PUM2: variants seen among roughly 807,000 people sequenced by gnomAD.
The protein encoded by PUM2 is pumilio RNA binding family member 2.
Under a neutral mutation model 124.5 loss-of-function variants are expected in PUM2, and 57 were observed. That is an observed-to-expected ratio of 0.46 (90% CI 0.37 to 0.57). The LOEUF is 0.57. PUM2 is among the 20% of genes least tolerant of loss of function. The pLI is 0.00. For missense variants in PUM2, 1,065 were observed against 1,290.6 expected (o/e 0.83, Z 2.68); for synonymous variants, 460 against 446.1 (o/e 1.03, Z -0.39).
chr2:20,321,284 T>C (rs1682283120), intron 2 of PUM2, among the ~76,000 whole-genome samples: 1 of 151,606 alleles, frequency 6.6e-6, no homozygotes, highest in Non-Finnish European at 1.5e-5. Context: ...AGACTCTGTC[T>C]CAAAAAAAGA....
chr2:20,312,528 T>C (rs1455343138), intron 3 of PUM2, 105 bp from the exon 4 acceptor site: 1 of 1,030,672 alleles, frequency 9.7e-7, no homozygotes, highest in Non-Finnish European at 1.4e-6. Flanking sequence ...TTGTTTTATT[T>C]TGAATGTTAT....
At chr2:20,299,139 G>A (rs756247117) in intron 7 of PUM2, among the ~76,000 whole-genome samples, 10 of 152,156 alleles carry the variant, frequency 6.6e-5, no homozygotes, top group African/African-American at 9.7e-5. Flanking sequence ...GAAGCCAGTC[G>A]GTCAGAAGTT....
In PUM2 at chr2:20,286,311, C is replaced by T. The variant is rs993717220; in HGVS notation, c.1292-2825G>A. Among the ~76,000 whole-genome samples, 3 of 152,080 alleles carry T rather than the reference C, an allele frequency of 2.0e-5. No individual in the cohort carries two copies. The South Asian group carries it at 6.2e-4, about 31-fold the overall frequency. On this transcript the variant is annotated intron_variant, in intron 10 of 20. Transcript: ENST00000361078. ...GTGACAGTAGAAAGGTAGTTGAATT[C>T]GGAGAACCCTAGAGATTTGCTGAAA...
chr2:20,283,431 A>G lies in PUM2; in HGVS notation c.1347T>C (p.Val449=). Residue 449 remains valine, a synonymous_variant, in exon 11 of 21, where the codon GTT becomes GTC. Coordinates refer to ENST00000361078, the MANE Select transcript of PUM2 (RefSeq NM_015317.5). ...CAAGGCCAGTCCTTGCTCCAGGGCCAACCACTAAGGCACCAGTCTGATCAT... is the reference window on the plus strand; with the variant it reads ...CAAGGCCAGTCCTTGCTCCAGGGCCGACCACTAAGGCACCAGTCTGATCAT... ...AYYDQTGALV[V]GPGARTGLGA... The G allele has an allele frequency of 1.2e-6, 2 of 1,614,072 alleles. No individual in the cohort carries two copies. Among genetic ancestry groups the G allele is most frequent in the Non-Finnish European group, 1.7e-6 (2 of 1,179,972 alleles).
chr2:20,256,148 T>C lies in PUM2; in HGVS notation c.2507A>G (p.Asp836Gly), dbSNP rs1393513396. 1.9e-6 allele frequency: 3 copies of C among 1,595,514 alleles called. No individual in the cohort carries two copies. Among genetic ancestry groups the C allele is most frequent in the South Asian group, 1.1e-5 (1 of 86,974 alleles). Residue 836 changes from aspartate (D) to glycine (G), a missense_variant, in exon 17 of 21, where the codon GAT (aspartate) becomes GGT (glycine). By Grantham distance (94) the Asp-to-Gly change is moderately conservative. Transcript: ENST00000361078. ...DQQSEMVKEL[D>G]GHVLKCVKDQ... ...TTTCACACATTTGAGCACATGACCA[T>C]CCAGCTCCTTTACCATTTCACTCTG...
At chr2:20,283,590 G>T in intron 10 of PUM2, 104 bp from the exon 11 acceptor site, 3 of 1,137,388 alleles carry the variant, frequency 2.6e-6, no homozygotes, top group Non-Finnish European at 2.5e-6. Context: ...ACAGCTATTT[G>T]TACCATTACT....
At chr2:20,350,438 T>C (rs1165378045) in intron 1 of PUM2, 159 bp downstream of exon 1, 4 of 958,294 alleles carry the variant, frequency 4.2e-6, no homozygotes, top group African/African-American at 3.5e-5. Flanking sequence ...CCCTGCATTG[T>C]GCGAGCGGGC....
At chr2:20,316,616 T>C (rs1358500694) in intron 3 of PUM2, among the ~76,000 whole-genome samples, 1 of 152,206 alleles carries the variant, frequency 6.6e-6, no homozygotes, top group East Asian at 1.9e-4. Context: ...ACTACTTTAA[T>C]ACAACTATGG....
chr2:20,281,451 A>T (rs1671501247), intron 12 of PUM2, among the ~76,000 whole-genome samples: 1 of 152,220 alleles, frequency 6.6e-6, no homozygotes, highest in Non-Finnish European at 1.5e-5. Context: ...GTGAGAAAGG[A>T]AACATGGGGT....
At chr2:20,331,362 G>A (rs374549596) in intron 1 of PUM2, among the ~76,000 whole-genome samples, 4 of 152,276 alleles carry the variant, frequency 2.6e-5, no homozygotes, top group East Asian at 1.9e-4. Context: ...TAATTTTAAG[G>A]AGAAATATTC....
chr2:20,254,098 C>A, intron 19 of PUM2, 84 bp from the exon 20 acceptor site: 1 of 1,160,836 alleles, frequency 8.6e-7, no homozygotes, highest in Non-Finnish European at 1.2e-6. Flanking sequence ...GAATCTTCTC[C>A]AATGAACAAT....
Position 20,318,609 on chromosome 2 carries a change from A to AATC in PUM2, c.85_87dup (p.Asp29dup). ...ATGCCTTTTTGTCCATCTTTTGTTGAATCATCAGGTTCCCAAAACTTTTTG... is the reference window on the plus strand; with the variant it reads ...ATGCCTTTTTGTCCATCTTTTGTTGAATCATCATCAGGTTCCCAAAACTTTTTG... On this transcript the variant is annotated inframe_insertion, in exon 3 of 21. Transcript: ENST00000361078. 2 of 1,613,650 alleles carry AATC rather than the reference A, an allele frequency of 1.2e-6. No homozygotes were observed. The highest frequency in any genetic ancestry group is 1.7e-6 in the Non-Finnish European group (2 of 1,179,926).
In PUM2 at chr2:20,273,822, T is replaced by C. The variant is rs565733473; in HGVS notation, c.1957+4761A>G. Among the ~76,000 whole-genome samples, 8 of 152,226 alleles carry C rather than the reference T, an allele frequency of 5.3e-5. No individual in the cohort carries two copies. In the East Asian group the frequency reaches 1.5e-3, roughly 29 times the overall value. ...ACAAATAAGAAGTACAAATATAACATATGTGCTTAGACAAGTATTTTTATC... is the reference window on the plus strand; with the variant it reads ...ACAAATAAGAAGTACAAATATAACACATGTGCTTAGACAAGTATTTTTATC... On this transcript the variant is annotated intron_variant, in intron 13 of 20. Coordinates refer to ENST00000361078, the MANE Select transcript of PUM2 (RefSeq NM_015317.5).
chr2:20,294,283 G>C (rs1343258859), intron 9 of PUM2, 93 bp downstream of exon 9: 2 of 1,424,788 alleles, frequency 1.4e-6, no homozygotes, highest in Non-Finnish European at 1.9e-6. Flanking sequence ...TACACAGTGA[G>C]GAAACGTAAG....
In PUM2 at chr2:20,251,411, C is replaced by T; in HGVS notation, c.*174G>A. ...TATAATTTATAATTCATCCCCCACC[C>T]CCCAAATATACACAAGAACCTTAAA... On this transcript the variant is annotated 3_prime_UTR_variant, in exon 21 of 21. Transcript: ENST00000361078. The T allele has an allele frequency of 1.4e-6, 1 of 723,452 alleles. No individual in the cohort carries two copies. The highest frequency in any genetic ancestry group is 1.8e-5 in the African/African-American group (1 of 55,578). The allele number at this position is 723,452 out of a possible 1,614,324, so 44.8% of individuals were successfully genotyped here.
In PUM2 at chr2:20,255,322, T is replaced by C. The variant is rs1224524061; in HGVS notation, c.2642A>G (p.His881Arg). 6.2e-7 allele frequency: 1 copy of C among 1,612,640 alleles called. No individual in the cohort carries two copies. Among genetic ancestry groups the C allele is most frequent in the Admixed American group, 1.7e-5 (1 of 59,990 alleles). ...CTGAATTACTCTGCAGCCATAAGGA[T>C]GAGTTGAAAGCACAAATACCTGAGG... is the stretch of plus-strand genomic sequence containing the variant. ...FKGQVFVLST[H>R]PYGCRVIQRI... The change falls in exon 18 of 21, where the codon CAT becomes CGT. Residue 881 changes from histidine (H) to arginine (R), a missense_variant. Transcript: ENST00000361078.
chr2:20,300,245 G>C (rs1211638990), intron 7 of PUM2, among the ~76,000 whole-genome samples: 3 of 152,152 alleles, frequency 2.0e-5, no homozygotes. Context: ...CGCCTCCCGG[G>C]TTCCAGTGAT....
Position 20,310,321 on chromosome 2 carries a change from T to C in PUM2, c.518+1173A>G, listed in dbSNP as rs187665950. ...CCACATTAATATTTCAGGGGAGACGTATAACCTCTCACACAAAGTAACTCG... is the reference window on the plus strand; with the variant it reads ...CCACATTAATATTTCAGGGGAGACGCATAACCTCTCACACAAAGTAACTCG... On this transcript the variant is annotated intron_variant, in intron 5 of 20. Coordinates refer to ENST00000361078, the MANE Select transcript of PUM2 (RefSeq NM_015317.5). Among the ~76,000 whole-genome samples, 6 of 152,190 alleles carry C rather than the reference T, an allele frequency of 3.9e-5. No homozygotes were observed. The East Asian group carries it at 1.2e-3, about 29-fold the overall frequency.
chr2:20,312,206 A>G (rs1295804815), intron 4 of PUM2, 30 bp downstream of exon 4: 8 of 1,524,864 alleles, frequency 5.2e-6, no homozygotes, highest in Non-Finnish European at 7.2e-6. Flanking sequence ...TCAAGCAAAT[A>G]TTAAATATTT....
Sources: gnomAD v4.1 joint callset for allele counts (sites outside exome capture counted in the v4.1 genomes callset) on GRCh38, gnomAD v4.1.1 for gene constraint, MANE v1.5 for transcripts, NCBI Gene and HGNC (gene_info 2026-07-23, HGNC 2026-07-21) for gene names.